The following HPSE2 variants were observed in gnomAD, a reference collection of about 807,000 sequenced individuals.
HPSE2 encodes the protein inactive heparanase-2.
Under a neutral mutation model 60.5 loss-of-function variants are expected in HPSE2, and 38 were observed. That is an observed-to-expected ratio of 0.63 (90% CI 0.48 to 0.82). HPSE2 has a LOEUF of 0.82. HPSE2 is among the 40% of genes least tolerant of loss of function. The probability of loss-of-function intolerance (pLI) is 0.00; values close to 1 mark genes in which losing one functional copy is unlikely to be tolerated. For missense variants in HPSE2, 713 were observed against 740.4 expected (o/e 0.96, Z 0.43); for synonymous variants, 295 against 293.2 (o/e 1.01, Z -0.06).
intron 8 of HPSE2, among the ~76,000 whole-genome samples, chr10:98,618,512 C>T (rs1215474263): frequency 1.3e-5 from 2 of 152,210 alleles, no homozygotes; most frequent in East Asian, 1.9e-4. Context: ...CATTGACACC[C>T]TGGCTTCTCA....
chr10:99,116,142 G>C (rs991913254), intron 3 of HPSE2, among the ~76,000 whole-genome samples: 1 of 151,698 alleles, frequency 6.6e-6, no homozygotes, highest in East Asian at 1.9e-4. Context: ...TTATTTCCCA[G>C]GGGACTGAGT....
intron 2 of HPSE2, among the ~76,000 whole-genome samples, chr10:99,231,649 T>C (rs1298461350): frequency 1.3e-5 from 2 of 151,996 alleles, no homozygotes; most frequent in Admixed American, 6.5e-5. Context: ...AACACTTATC[T>C]AATCCCGTCA....
chr10:98,636,884 C>A (rs1253554275), intron 7 of HPSE2, among the ~76,000 whole-genome samples: 3 of 152,188 alleles, frequency 2.0e-5, no homozygotes, highest in Admixed American at 1.3e-4. Context: ...GTCCAAATGA[C>A]TTCAGCCAAA....
chr10:99,027,734 T>C lies in HPSE2; in HGVS notation c.610+116504A>G, dbSNP rs569170901. Among the ~76,000 whole-genome samples the C allele has an allele frequency of 1.4e-3, 185 of 136,848 alleles. 1 individual carries two copies. Among genetic ancestry groups the C allele is most frequent in the Admixed American group, 1.7e-3 (23 of 13,486 alleles). 89.8% of individuals were successfully genotyped at this position (136,848 alleles called of 152,430 possible). A position where few individuals can be genotyped will look rare whatever the true frequency, so the allele number is the denominator to read the frequency against. On this transcript the variant is annotated intron_variant, in intron 3 of 11. Transcript: ENST00000370552. ...CACCACTACGGGCCAATATCTCTGATGAATACTGATGCAAAAATCTTCAAC... is the reference window on the plus strand; with the variant it reads ...CACCACTACGGGCCAATATCTCTGACGAATACTGATGCAAAAATCTTCAAC...
At chr10:98,482,850 T>G (rs1218464042) in intron 10 of HPSE2, 68 bp from the exon 11 acceptor site, 86 of 1,526,996 alleles carry the variant, frequency 5.6e-5, no homozygotes, top group Non-Finnish European at 7.4e-5. Flanking sequence ...TTCTAAATAA[T>G]TTATAGACTG....
chr10:98,793,233 G>A (rs1950697563), intron 3 of HPSE2, among the ~76,000 whole-genome samples: 2 of 152,118 alleles, frequency 1.3e-5, no homozygotes, highest in African/African-American at 4.8e-5. Flanking sequence ...ATCCCTTCAG[G>A]TTCTTGGCTT....
intron 2 of HPSE2, among the ~76,000 whole-genome samples, chr10:99,195,356 C>G (rs1415893564): frequency 6.6e-6 from 1 of 151,116 alleles, no homozygotes; most frequent in Non-Finnish European, 1.5e-5. Context: ...ACTGGAAGTT[C>G]TAGATATAGC....
intron 3 of HPSE2, among the ~76,000 whole-genome samples, chr10:98,800,148 G>T (rs1950872086): frequency 6.6e-6 from 1 of 151,848 alleles, no homozygotes; most frequent in African/African-American, 2.4e-5. Flanking sequence ...TGGGCAAATT[G>T]CTTGAGCCCA....
At chr10:98,591,145 CT>C (rs1029429445) in intron 9 of HPSE2, among the ~76,000 whole-genome samples, 9 of 151,764 alleles carry the variant, frequency 5.9e-5, no homozygotes, top group African/African-American at 1.9e-4. Flanking sequence ...AGAAGAGCCC[CT>C]GACACTGCCA....
At chr10:99,088,127 T>C (rs1843388416) in intron 3 of HPSE2, among the ~76,000 whole-genome samples, 1 of 152,048 alleles carries the variant, frequency 6.6e-6, no homozygotes, top group African/African-American at 2.4e-5. Flanking sequence ...CTTTCCCTAT[T>C]ACCTTTATGA....
chr10:98,506,543 C>T (rs1367368446), intron 9 of HPSE2, among the ~76,000 whole-genome samples: 2 of 152,106 alleles, frequency 1.3e-5, no homozygotes, highest in Admixed American at 1.3e-4. Context: ...ACCTCCTGGG[C>T]TCAAGTGATC....
At chr10:99,130,364 T>C (rs574217625) in intron 3 of HPSE2, among the ~76,000 whole-genome samples, 38 of 151,984 alleles carry the variant, frequency 2.5e-4, no homozygotes, top group African/African-American at 8.9e-4. Flanking sequence ...TGAACATAGA[T>C]CCAAAAATCC....
intron 9 of HPSE2, among the ~76,000 whole-genome samples, chr10:98,603,489 G>T (rs1037194834): frequency 6.7e-6 from 1 of 149,612 alleles, no homozygotes; most frequent in Admixed American, 6.8e-5. Context: ...GAGTACAGTG[G>T]CTTGATCTTG....
chr10:98,497,722 C>T (rs192337746), intron 9 of HPSE2, among the ~76,000 whole-genome samples: 1 of 152,196 alleles, frequency 6.6e-6, no homozygotes, highest in Non-Finnish European at 1.5e-5. Context: ...TCCATCACCT[C>T]ATACTCATTT....
At chr10:99,184,640 T>C (rs947640437) in intron 2 of HPSE2, among the ~76,000 whole-genome samples, 15 of 142,930 alleles carry the variant, frequency 1.0e-4, no homozygotes, top group Admixed American at 9.9e-4. Flanking sequence ...ATGAGAACTA[T>C]AAAATGTATA....
At chr10:98,819,513 T>A (rs1478508866) in intron 3 of HPSE2, among the ~76,000 whole-genome samples, 6 of 152,044 alleles carry the variant, frequency 3.9e-5, no homozygotes, top group Non-Finnish European at 7.4e-5. Flanking sequence ...CATTACCTTT[T>A]CCCATAAGGG....
chr10:99,023,462 C>T (rs1957308839), intron 3 of HPSE2, among the ~76,000 whole-genome samples: 1 of 152,066 alleles, frequency 6.6e-6, no homozygotes, highest in African/African-American at 2.4e-5. Flanking sequence ...GCTGACATTG[C>T]CACTTGCTGA....
chr10:98,688,935 C>T (rs1420645318), intron 6 of HPSE2, among the ~76,000 whole-genome samples: 1 of 149,422 alleles, frequency 6.7e-6, no homozygotes, highest in Non-Finnish European at 1.5e-5. Flanking sequence ...CTGTTGTATT[C>T]TGTCCTCCAT....
At chr10:98,908,683 C>CAA (rs35913499) in intron 3 of HPSE2, among the ~76,000 whole-genome samples, 29,255 of 65,834 alleles carry the variant, frequency 0.44, 9,369 homozygotes, top group Non-Finnish European at 0.56. Context: ...AGCTCCATCT[C>CAA]AAAAAAAAAA....
Sources: gnomAD v4.1 joint callset for allele counts (sites outside exome capture counted in the v4.1 genomes callset) on GRCh38, gnomAD v4.1.1 for gene constraint, MANE v1.5 for transcripts, NCBI Gene and HGNC (gene_info 2026-07-23, HGNC 2026-07-21) for gene names.